The following GPHN variants were observed in gnomAD, a reference collection of about 807,000 sequenced individuals.
The protein encoded by GPHN is gephyrin.
A neutral mutation model predicts 95.5 loss-of-function variants in GPHN; 17 were observed. The ratio of observed to expected loss-of-function variants is 0.18; its 90% CI spans 0.12 to 0.27. GPHN has a LOEUF of 0.27. GPHN is among the 10% of genes least tolerant of loss of function. GPHN has a pLI of 1.00. For synonymous variants in GPHN, 320 were observed against 322.5 expected (o/e 0.99, Z 0.08); for missense variants, 660 against 978.1 (o/e 0.67, Z 4.34).
At chr14:66,982,956 TAATC>T (rs2070773731) in intron 9 of GPHN, among the ~76,000 whole-genome samples, 2 of 152,138 alleles carry the variant, frequency 1.3e-5, no homozygotes, top group South Asian at 2.1e-4. Flanking sequence ...TAAAATGTAA[TAATC>T]AAGCATTTGG....
chr14:66,786,238 A>G (rs557646360), intron 3 of GPHN, among the ~76,000 whole-genome samples: 2 of 152,226 alleles, frequency 1.3e-5, no homozygotes, highest in East Asian at 3.9e-4. Context: ...TTAAAAGGAT[A>G]ATTAGGTAAT....
the GPHN span, among the ~76,000 whole-genome samples, chr14:67,721,949 G>A: frequency 1.3e-5 from 2 of 152,174 alleles, no homozygotes; most frequent in Non-Finnish European, 2.9e-5. Context: ...GCATGTGCGT[G>A]TGTTAACTTC....
At chr14:67,213,483 A>G in the GPHN span, among the ~76,000 whole-genome samples, 25 of 151,218 alleles carry the variant, frequency 1.7e-4, no homozygotes, top group African/African-American at 5.8e-4. Flanking sequence ...GTCCCTACAA[A>G]GGACATGAAC....
At chr14:67,335,935 A>G in the GPHN span, 4 of 152,254 alleles carry the variant, frequency 2.6e-5, no homozygotes, top group Non-Finnish European at 4.4e-5. Flanking sequence ...CAGCTACAAC[A>G]CAAAATACTT....
At chr14:66,836,271 C>G (rs2061804354) in intron 4 of GPHN, among the ~76,000 whole-genome samples, 1 of 135,532 alleles carries the variant, frequency 7.4e-6, no homozygotes. Context: ...CAGAACAGAG[C>G]CCTCAGAAAT....
chr14:67,394,889 C>T, the GPHN span, among the ~76,000 whole-genome samples: 2 of 152,144 alleles, frequency 1.3e-5, no homozygotes, highest in African/African-American at 4.8e-5. Flanking sequence ...AGCATGTTAG[C>T]ATGCTCAGCC....
chr14:67,315,571 C>T, the GPHN span, among the ~76,000 whole-genome samples: 12 of 152,072 alleles, frequency 7.9e-5, no homozygotes, highest in South Asian at 4.1e-4. Context: ...CCACTGCACC[C>T]GACCCCTTTA....
chr14:67,347,500 CTCT>C, the GPHN span: 55 of 1,300,674 alleles, frequency 4.2e-5, no homozygotes, highest in East Asian at 1.1e-4. Flanking sequence ...TTTAAGTTCT[CTCT>C]TTTTTTTTTT....
intron 18 of GPHN, among the ~76,000 whole-genome samples, chr14:67,150,453 C>CAAAAA (rs1164806975): frequency 1.2e-3 from 118 of 98,030 alleles, no homozygotes; most frequent in African/African-American, 2.1e-3. Context: ...AAAAAAAAAA[C>CAAAAA]AAAAAAAAAA....
the GPHN span, among the ~76,000 whole-genome samples, chr14:67,278,267 C>A: frequency 6.6e-6 from 1 of 151,836 alleles, no homozygotes; most frequent in African/African-American, 2.4e-5. Context: ...AACTCCCGAC[C>A]TCAGGTGATC....
intron 9 of GPHN, among the ~76,000 whole-genome samples, chr14:66,984,780 C>T (rs988887499): frequency 6.6e-6 from 1 of 152,032 alleles, no homozygotes; most frequent in Non-Finnish European, 1.5e-5. Context: ...ATTGAGACCT[C>T]ATTCTGGAAT....
the GPHN span, chr14:67,678,387 A>G: frequency 5.0e-6 from 8 of 1,614,054 alleles, no homozygotes; most frequent in Admixed American, 1.3e-4. Flanking sequence ...TAGTCTCATT[A>G]CGAGCTTGGG....
chr14:66,787,885 G>A (rs186312892), intron 3 of GPHN, among the ~76,000 whole-genome samples: 152 of 147,534 alleles, frequency 1.0e-3, no homozygotes, highest in African/African-American at 3.6e-3. Flanking sequence ...AAAACTGTCA[G>A]AAGAAAAAAA....
At chr14:67,100,974 T>G in intron 13 of GPHN, 63 bp downstream of exon 13, 1 of 932,090 alleles carries the variant, frequency 1.1e-6, no homozygotes, top group East Asian at 2.4e-5. Flanking sequence ...GGCATCTAAT[T>G]CTAAATTTCT....
chr14:67,246,281 C>T, the GPHN span, among the ~76,000 whole-genome samples: 23,400 of 151,420 alleles, frequency 0.15, 3,397 homozygotes, highest in East Asian at 0.42. Context: ...GGCGTGCCAC[C>T]GCACTTGGCT....
At chr14:66,749,925 G>A (rs998518468) in intron 2 of GPHN, among the ~76,000 whole-genome samples, 18 of 151,694 alleles carry the variant, frequency 1.2e-4, no homozygotes, top group African/African-American at 4.3e-4. Flanking sequence ...CATACAATGC[G>A]TAATTGTCAC....
the GPHN span, chr14:67,674,595 C>T: frequency 2.3e-6 from 2 of 884,482 alleles, no homozygotes; most frequent in Admixed American, 3.5e-5. Flanking sequence ...GCGACCGCCG[C>T]ACCACCGCCG....
the GPHN span, among the ~76,000 whole-genome samples, chr14:67,496,203 A>T: frequency 1.3e-5 from 2 of 151,988 alleles, no homozygotes; most frequent in Non-Finnish European, 2.9e-5. Context: ...TATTATTTTT[A>T]AAAATTTTGT....
At chr14:66,824,355 TACTG>T in intron 3 of GPHN, 115 bp from the exon 4 acceptor site, 1 of 631,240 alleles carries the variant, frequency 1.6e-6, no homozygotes, top group Non-Finnish European at 2.9e-6. Context: ...GAAATTTTCT[TACTG>T]ACTGTTGAAA....
Sources: gnomAD v4.1 joint callset for allele counts (sites outside exome capture counted in the v4.1 genomes callset) on GRCh38, gnomAD v4.1.1 for gene constraint, MANE v1.5 for transcripts, NCBI Gene and HGNC (gene_info 2026-07-23, HGNC 2026-07-21) for gene names.